Variants in PHKA2 observed in about 807,000 individuals in gnomAD.
PHKA2 encodes the protein phosphorylase b kinase regulatory subunit alpha, liver isoform.
A neutral mutation model predicts 102.0 loss-of-function variants in PHKA2; 31 were observed. The ratio of observed to expected loss-of-function variants is 0.30; its 90% CI spans 0.23 to 0.41. The LOEUF (loss-of-function observed/expected upper bound fraction) is 0.41, where lower values mean the gene tolerates loss of function less well. PHKA2 is among the 10% of genes least tolerant of loss of function. The pLI is 1.00. For missense variants in PHKA2, 858 were observed against 1,023.1 expected (o/e 0.84, Z 2.20); for synonymous variants, 455 against 416.2 (o/e 1.09, Z -1.13).
chrX:18,897,599 G>A, intron 29 of PHKA2: 1 of 393,467 alleles, frequency 2.5e-6, no homozygotes, highest in Non-Finnish European at 4.5e-6. Context: ...CCATAAGGAG[G>A]AGGCCGAACA....
chrX:18,911,687 A>T (rs1450111047), intron 19 of PHKA2, among the ~76,000 whole-genome samples: 1 of 112,439 alleles, frequency 8.9e-6, no homozygotes, highest in Non-Finnish European at 1.9e-5. Flanking sequence ...TATTTAGTTT[A>T]GCTTCAACAA....
chrX:18,904,237 G>T (rs1476473019), intron 26 of PHKA2, among the ~76,000 whole-genome samples: 3 of 111,904 alleles, frequency 2.7e-5, no homozygotes. Context: ...AAGGAGAAGG[G>T]TCTGGAAGCT....
chrX:18,926,698 T>C, intron 13 of PHKA2, 111 bp from the exon 14 acceptor site: 1 of 713,815 alleles, frequency 1.4e-6, no homozygotes. Context: ...CAGCATGCTC[T>C]TCCATGCAAT....
intron 17 of PHKA2, among the ~76,000 whole-genome samples, chrX:18,922,678 A>G (rs925369142): frequency 8.5e-5 from 9 of 105,670 alleles, no homozygotes; most frequent in Admixed American, 5.0e-4. Flanking sequence ...GGAGGCAGAA[A>G]GGCTGGTGGT....
chrX:18,894,398 G>T lies in PHKA2; in HGVS notation c.3343C>A (p.Pro1115Thr). The change falls in exon 32 of 33, where the codon CCG (proline) becomes ACG (threonine). Residue 1115 changes from proline to threonine, a missense_variant. Transcript: ENST00000379942. ...TGGACAGCAAACTTGATCTCATGCG[G>T]GGTCATCTACCAAAGGGACAGGCAG... ...LPSSTTREMT[P>T]HEIKFAVHVE... The T allele has an allele frequency of 1.7e-6, 2 of 1,209,462 alleles. No homozygotes were observed. The highest frequency in any genetic ancestry group is 2.2e-6 in the Non-Finnish European group (2 of 894,189).
In PHKA2 at chrX:18,944,538, G is replaced by C. The variant is rs183657656; in HGVS notation, c.618+540C>G. ...GAAGCAAACTGGTGACCCACAGATC[G>C]AATCTGCCCCATAGGTGTGTTTTGT... is the stretch of plus-strand genomic sequence containing the variant. On this transcript the variant is annotated intron_variant, in intron 6 of 32. Transcript: ENST00000379942. 5.4e-5 allele frequency among the ~76,000 whole-genome samples: 6 copies of C among 111,656 alleles called. No individual in the cohort carries two copies. The East Asian group carries it at 1.7e-3, about 31-fold the overall frequency.
intron 15 of PHKA2, among the ~76,000 whole-genome samples, chrX:18,925,324 C>T (rs1448318422): frequency 8.9e-6 from 1 of 112,477 alleles, no homozygotes; most frequent in African/African-American, 3.2e-5. Context: ...GAAAATCAGC[C>T]TGGCTGTGTG....
At chrX:18,943,531 T>C (rs751135965) in intron 7 of PHKA2, among the ~76,000 whole-genome samples, 179 bp downstream of exon 7, 8 of 112,554 alleles carry the variant, frequency 7.1e-5, no homozygotes, top group Admixed American at 3.8e-4. Flanking sequence ...AGTTGACTGA[T>C]TCTTACAACT....
At chrX:18,948,603 G>A (rs1418930730) in intron 5 of PHKA2, 141 bp downstream of exon 5, 1 of 503,659 alleles carries the variant, frequency 2.0e-6, no homozygotes, top group African/African-American at 2.3e-5. Flanking sequence ...CAGTTTGTGT[G>A]TGGAGGTGAC....
intron 1 of PHKA2, among the ~76,000 whole-genome samples, chrX:18,957,794 A>AT (rs2048806537): frequency 9.5e-6 from 1 of 105,408 alleles, no homozygotes. Context: ...GTATATATAC[A>AT]TATATATAAT....
At chrX:18,968,428 G>A (rs1447232033) in intron 1 of PHKA2, among the ~76,000 whole-genome samples, 1 of 111,167 alleles carries the variant, frequency 9.0e-6, no homozygotes, top group Non-Finnish European at 1.9e-5. Flanking sequence ...GATATGCAGG[G>A]AGAACTATTT....
intron 1 of PHKA2, among the ~76,000 whole-genome samples, chrX:18,965,834 T>C (rs1482692726): frequency 1.8e-5 from 2 of 111,916 alleles, no homozygotes; most frequent in African/African-American, 6.5e-5. Flanking sequence ...GATATTCAAA[T>C]ATAAGCGACA....
rs1214911316 is a variant in PHKA2 at position 18,918,706 on chromosome X, T to C, written c.2112A>G (p.Ala704=). ...ATGGAACTTCCAAACCCTTTGCTTT[T>C]GCCATCACAGAAAGTATGTCCCGCG... ...HSTRDILSVM[A]KAKGLEVPFV... The change falls in exon 19 of 33, where the codon GCA becomes GCG. Residue 704 remains alanine, a synonymous_variant. Transcript: ENST00000379942. The C allele has an allele frequency of 8.3e-7, 1 of 1,211,131 alleles. No individual in the cohort carries two copies. The highest frequency in any genetic ancestry group is 3.0e-5 in the East Asian group (1 of 33,865).
intron 27 of PHKA2, among the ~76,000 whole-genome samples, chrX:18,901,215 G>A (rs767614499): frequency 1.2e-3 from 136 of 110,761 alleles, no homozygotes; most frequent in Non-Finnish European, 2.0e-3. Flanking sequence ...AGTGGTTCTC[G>A]GGAACAGAGG....
At chrX:18,897,026 G>A (rs2047572690) in intron 30 of PHKA2, 137 bp downstream of exon 30, 2 of 718,635 alleles carry the variant, frequency 2.8e-6, no homozygotes, top group South Asian at 4.3e-5. Flanking sequence ...AGAATGCCTC[G>A]GCCCCAGGTG....
Position 18,948,842 on chromosome X carries a change from A to G in PHKA2, c.455-16T>C. 9.1e-7 allele frequency: 1 copy of G among 1,093,235 alleles called. No individual in the cohort carries two copies. The highest frequency in any genetic ancestry group is 1.3e-6 in the Non-Finnish European group (1 of 789,621). The allele number at this position is 1,093,235 out of a possible 1,213,427, so 90.1% of individuals were successfully genotyped here. The stretch of plus-strand genomic sequence containing the variant: ...ATACGTAAGCCTAGCAAAGAAAAAC[A>G]ATGAGGTTATGAAGCCATGTTGCAG... On this transcript the variant is annotated splice_polypyrimidine_tract_variant and intron_variant, in intron 4 of 32. Transcript: ENST00000379942.
At chrX:18,975,016 G>A (rs1051880659) in intron 1 of PHKA2, among the ~76,000 whole-genome samples, 2 of 110,283 alleles carry the variant, frequency 1.8e-5, no homozygotes, top group African/African-American at 3.3e-5. Flanking sequence ...GTCTCGTCTC[G>A]TCTCAGGGCC....
In PHKA2 at chrX:18,894,993, G is replaced by GGT. The variant is rs748196916; in HGVS notation, c.3336+143_3336+144dup. 31 of 597,107 alleles carry GGT rather than the reference G, an allele frequency of 5.2e-5. No homozygotes were observed. In the East Asian group the frequency reaches 9.8e-4, roughly 19 times the overall value. 49.2% of individuals were successfully genotyped at this position (597,107 alleles called of 1,213,427 possible). A position where few individuals can be genotyped will look rare whatever the true frequency, so the allele number is the denominator to read the frequency against. On this transcript the variant is annotated intron_variant, in intron 31 of 32. Transcript: ENST00000379942. ...GAAAGACATTTTTGCCAAATATGAG[G>GGT]GTGAAGGGGCTAGACAGCTCAGAGC...
At chrX:18,968,823 T>C (rs2048980128) in intron 1 of PHKA2, among the ~76,000 whole-genome samples, 2 of 112,550 alleles carry the variant, frequency 1.8e-5, no homozygotes, top group South Asian at 7.3e-4. Context: ...AGCTCATACA[T>C]GTTTCCCCAA....
Sources: gnomAD v4.1 joint callset for allele counts (sites outside exome capture counted in the v4.1 genomes callset) on GRCh38, gnomAD v4.1.1 for gene constraint, MANE v1.5 for transcripts, NCBI Gene and HGNC (gene_info 2026-07-23, HGNC 2026-07-21) for gene names.